Variants in TRERF1 observed in about 807,000 individuals in gnomAD.
TRERF1 encodes the protein transcriptional regulating factor 1.
Under a neutral mutation model 122.9 loss-of-function variants are expected in TRERF1, and 27 were observed. The ratio of observed to expected loss-of-function variants is 0.22; its 90% CI spans 0.16 to 0.30. TRERF1 has a LOEUF of 0.30. TRERF1 is among the 10% of genes least tolerant of loss of function. TRERF1 has a pLI of 1.00. For missense variants in TRERF1, 1,248 were observed against 1,560.3 expected (o/e 0.80, Z 3.37); for synonymous variants, 636 against 641.7 (o/e 0.99, Z 0.13).
chr6:42,321,100 G>A (rs1763372387), intron 3 of TRERF1, among the ~76,000 whole-genome samples: 1 of 150,020 alleles, frequency 6.7e-6, no homozygotes, highest in African/African-American at 2.5e-5. Context: ...CAGAAGATTT[G>A]CACCCTTCAT....
At chr6:42,447,054 T>C (rs1191300051) in intron 2 of TRERF1, among the ~76,000 whole-genome samples, 2 of 152,128 alleles carry the variant, frequency 1.3e-5, no homozygotes, top group Admixed American at 1.3e-4. Flanking sequence ...CTCAGAGTTA[T>C]CACTGTTATT....
chr6:42,307,684 T>G (rs1310838489), intron 3 of TRERF1, among the ~76,000 whole-genome samples: 1 of 136,578 alleles, frequency 7.3e-6, no homozygotes, highest in Admixed American at 7.1e-5. Flanking sequence ...GAGAGGTAAA[T>G]GTATGAAAAA....
At chr6:42,291,339 C>G (rs550751137) in intron 4 of TRERF1, among the ~76,000 whole-genome samples, 1 of 151,850 alleles carries the variant, frequency 6.6e-6, no homozygotes, top group African/African-American at 2.4e-5. Context: ...AAGTCTATGC[C>G]GTAGTACAGG....
chr6:42,442,117 C>T (rs141950494), intron 2 of TRERF1, among the ~76,000 whole-genome samples: 56 of 152,246 alleles, frequency 3.7e-4, no homozygotes, highest in Non-Finnish European at 7.2e-4. Context: ...AACTCAAGCC[C>T]CAATACTTCA....
intron 4 of TRERF1, among the ~76,000 whole-genome samples, chr6:42,295,359 GACCTCC>G (rs1447017817): frequency 6.6e-6 from 1 of 152,202 alleles, no homozygotes; most frequent in Non-Finnish European, 1.5e-5. Flanking sequence ...ACCCATTCAA[GACCTCC>G]ATGTTCATCA....
chr6:42,413,707 C>T (rs1376079778), intron 2 of TRERF1, among the ~76,000 whole-genome samples: 2 of 152,148 alleles, frequency 1.3e-5, no homozygotes, highest in Non-Finnish European at 2.9e-5. Flanking sequence ...GGATTACAGG[C>T]GTGGGCCACC....
intron 17 of TRERF1, among the ~76,000 whole-genome samples, chr6:42,229,430 G>A (rs1022972524): frequency 2.0e-5 from 3 of 152,240 alleles, no homozygotes; most frequent in East Asian, 1.9e-4. Flanking sequence ...GAACCACTGC[G>A]CCCAACCCAC....
chr6:42,254,842 G>A lies in TRERF1; in HGVS notation c.2656+9C>T. 6.2e-7 allele frequency: 1 copy of A among 1,614,000 alleles called. No individual in the cohort carries two copies. Among genetic ancestry groups the A allele is most frequent in the Non-Finnish European group, 8.5e-7 (1 of 1,179,860 alleles). On this transcript the variant is annotated intron_variant, in intron 13 of 17. Coordinates refer to ENST00000372922, the Ensembl canonical transcript of TRERF1. The stretch of plus-strand genomic sequence containing the variant: ...GAGGCAACAGGACACAGGGCTCCTG[G>A]CAACCTACCGGCATAGTGGTAATTT...
Position 42,440,713 on chromosome 6 carries a change from A to G in TRERF1, c.-454+10464T>C, listed in dbSNP as rs116112023. Among the ~76,000 whole-genome samples, 1,004 of 152,302 alleles carry G rather than the reference A, an allele frequency of 6.6e-3. 7 individuals are homozygous for G. Among genetic ancestry groups the G allele is most frequent in the Non-Finnish European group, 9.6e-3 (650 of 68,014 alleles). ...GAGAAAATGTATTTTAATTCCCTCT[A>G]ACTTTAAAAATTAAACAGTTCTTAC... On this transcript the variant is annotated intron_variant, in intron 2 of 17. Coordinates refer to ENST00000372922, the Ensembl canonical transcript of TRERF1.
intron 2 of TRERF1, among the ~76,000 whole-genome samples, chr6:42,410,397 T>C (rs1291276933): frequency 6.6e-6 from 1 of 152,072 alleles, no homozygotes; most frequent in Non-Finnish European, 1.5e-5. Flanking sequence ...AATCCTCCCC[T>C]GTCAGGTTCC....
intron 2 of TRERF1, among the ~76,000 whole-genome samples, chr6:42,374,150 A>AAAGAAGAAGAAGAAGAAG (rs762812010): frequency 6.9e-6 from 1 of 143,962 alleles, no homozygotes; most frequent in African/African-American, 2.6e-5. Flanking sequence ...AAAAAAAAAA[A>AAAGAAGAAGAAGAAGAAG]AAGAAGAAGA....
At chr6:42,240,942 G>A (rs1285194794) in intron 15 of TRERF1, among the ~76,000 whole-genome samples, 1 of 152,068 alleles carries the variant, frequency 6.6e-6, no homozygotes, top group Non-Finnish European at 1.5e-5. Context: ...GCCCAGGCTG[G>A]AGTACGGTGG....
intron 2 of TRERF1, among the ~76,000 whole-genome samples, chr6:42,418,553 G>C (rs1428103331): frequency 1.3e-5 from 2 of 152,060 alleles, no homozygotes; most frequent in African/African-American, 4.8e-5. Flanking sequence ...TTACAGGCGT[G>C]AGCCACCGTG....
At chr6:42,330,974 C>T (rs768857604) in intron 3 of TRERF1, among the ~76,000 whole-genome samples, 22 of 152,130 alleles carry the variant, frequency 1.4e-4, no homozygotes, top group Non-Finnish European at 2.9e-4. Context: ...CCACTGCACC[C>T]GACCAGATGT....
At chr6:42,385,078 A>C (rs1465897564) in intron 2 of TRERF1, among the ~76,000 whole-genome samples, 1 of 152,124 alleles carries the variant, frequency 6.6e-6, no homozygotes, top group East Asian at 1.9e-4. Flanking sequence ...CCCAGGTTCA[A>C]GCAATTCTCC....
intron 17 of TRERF1, among the ~76,000 whole-genome samples, chr6:42,230,453 TG>T: frequency 6.6e-6 from 1 of 152,064 alleles, no homozygotes. Context: ...TGTCTCCACC[TG>T]GTGGAATGTA....
intron 2 of TRERF1, among the ~76,000 whole-genome samples, chr6:42,439,545 C>T (rs1786099891): frequency 1.3e-5 from 2 of 152,174 alleles, no homozygotes; most frequent in Admixed American, 1.3e-4. Context: ...GATCGCACTG[C>T]TGCACTCCAG....
At chr6:42,349,196 G>T (rs185819111) in intron 3 of TRERF1, among the ~76,000 whole-genome samples, 14 of 152,162 alleles carry the variant, frequency 9.2e-5, no homozygotes, top group African/African-American at 2.9e-4. Context: ...TGTTTCAGGG[G>T]AGCACAGGGG....
chr6:42,259,736 C>T lies in TRERF1; in HGVS notation c.1885-13G>A, dbSNP rs771407276. 6.2e-7 allele frequency: 1 copy of T among 1,600,444 alleles called. No individual in the cohort carries two copies. Among genetic ancestry groups the T allele is most frequent in the Non-Finnish European group, 8.5e-7 (1 of 1,179,884 alleles). ...TCCTGGGGATTTCCTAAAACCGGAA[C>T]AACGATCTGATTCGAATACTTCAGC... On this transcript the variant is annotated splice_polypyrimidine_tract_variant and intron_variant, in intron 8 of 17. Transcript: ENST00000372922. This position sits in a 1 kb window ranked among gnomAD's most constrained non-coding sequence, Gnocchi z 4.9.
Sources: gnomAD v4.1 joint callset for allele counts (sites outside exome capture counted in the v4.1 genomes callset) on GRCh38, gnomAD v4.1.1 for gene constraint, Gnocchi (gnomAD v3.1) non-coding constraint, MANE v1.5 for transcripts, NCBI Gene and HGNC (gene_info 2026-07-23, HGNC 2026-07-21) for gene names.